The following USP19 variants were observed in gnomAD, a reference collection of about 807,000 sequenced individuals.
USP19 encodes ubiquitin carboxyl-terminal hydrolase 19.
A neutral mutation model predicts 144.8 loss-of-function variants in USP19; 40 were observed. That is an observed-to-expected ratio of 0.28 (90% confidence interval 0.21 to 0.36). USP19 has a LOEUF of 0.36. Ranked by LOEUF, USP19 falls within the 10% of genes least tolerant of loss-of-function variation. USP19 has a pLI of 1.00. For missense variants in USP19, 1,518 were observed against 1,822.5 expected, an observed-to-expected ratio of 0.83 and a Z score of 3.04; for synonymous variants, 701 against 709.3, an observed-to-expected ratio of 0.99 and a Z score of 0.19.
chr3:49,109,111 C>A, intron 26 of USP19: 1 of 1,564,950 alleles, frequency 6.4e-7, no homozygotes, highest in Non-Finnish European at 8.6e-7. Flanking sequence ...CTTGGGGCCC[C>A]CAGGGACCCA....
rs368784894 is a variant in USP19 at position 49,117,862 on chromosome 3, G to A, written c.299-32C>T. ...GTGATAAGCAGGTAACAGAGACCCAGCCTAATGAAACTGCTTCAGATGGGA... is the reference window on the plus strand; with the variant it reads ...GTGATAAGCAGGTAACAGAGACCCAACCTAATGAAACTGCTTCAGATGGGA... On this transcript the variant is annotated intron_variant, in intron 3 of 26. Coordinates refer to ENST00000417901, the MANE Select transcript of USP19 (RefSeq NM_001199161.2). This position sits in a 1 kb window ranked among gnomAD's most constrained non-coding sequence, Gnocchi z 4.4. The A allele has an allele frequency of 3.1e-6, 5 of 1,613,638 alleles. No homozygotes were observed. In the South Asian group the frequency reaches 4.4e-5, roughly 14 times the overall value.
At position 49,116,668 on chromosome 3, in the gene USP19, A is replaced by G; in HGVS notation, c.1126+59T>C. The G allele has an allele frequency of 6.2e-7, 1 of 1,609,970 alleles. No homozygotes were observed. The highest frequency in any genetic ancestry group is 8.5e-7 in the Non-Finnish European group (1 of 1,177,452). The stretch of plus-strand genomic sequence containing the variant: ...AGGTTCCAGCCTATTGCTACTCTCT[A>G]TCCACCTACAAACTTTGCAACCCAA... On this transcript the variant is annotated intron_variant, in intron 7 of 26. Coordinates refer to ENST00000417901, the MANE Select transcript of USP19 (RefSeq NM_001199161.2). The surrounding 1 kb of genome is among the most constrained non-coding windows in gnomAD (Gnocchi z 5.0).
At chr3:49,118,955 C>A in intron 2 of USP19, 67 bp downstream of exon 2, 2 of 1,606,450 alleles carry the variant, frequency 1.2e-6, no homozygotes, top group Non-Finnish European at 1.7e-6. Context: ...CTCCCAAACC[C>A]CAATCTGTAT....
rs1575484428 is a variant in USP19 at position 49,116,880 on chromosome 3, C to T, written c.973G>A (p.Glu325Lys). Residue 325 changes from glutamate to lysine, a missense_variant, in exon 7 of 27, where the codon GAG (glutamate) becomes AAG (lysine). Glu to Lys is a moderately conservative substitution (Grantham distance 56). Coordinates refer to ENST00000417901, the MANE Select transcript of USP19 (RefSeq NM_001199161.2). The surrounding 1 kb of genome is among the most constrained non-coding windows in gnomAD (Gnocchi z 5.0). Reference sequence around the variant, plus strand: ...CCTGCCAAAGGGGCTAAATTCTCCTCTGAGCCCAGGAGGCAGGTTTGGGAG... The same window carrying T: ...CCTGCCAAAGGGGCTAAATTCTCCTTTGAGCCCAGGAGGCAGGTTTGGGAG... ...LNSQTCLLGS[E>K]ENLAPLAGEK... 3 of 1,614,176 alleles carry T rather than the reference C, an allele frequency of 1.9e-6. No homozygotes were observed. The highest frequency in any genetic ancestry group is 1.7e-5 in the Admixed American group (1 of 60,022).
Position 49,114,132 on chromosome 3 carries a change from C to A in USP19, c.2404-39G>T. 1 of 1,614,076 alleles carries A rather than the reference C, an allele frequency of 6.2e-7. No individual in the cohort carries two copies. The highest frequency in any genetic ancestry group is 1.1e-5 in the South Asian group (1 of 91,084). On this transcript the variant is annotated intron_variant, in intron 16 of 26. Transcript: ENST00000417901. This position sits in a 1 kb window ranked among gnomAD's most constrained non-coding sequence, Gnocchi z 4.5. ...GGCAGTCAGTGAGGGAGGTGGGCCA[C>A]GTTCTCTAGAACAGCCCAGAGGGTA...
Position 49,114,058 on chromosome 3 carries a change from C to T in USP19, c.2439G>A (p.Ala813=), listed in dbSNP as rs746365688. Reference sequence around the variant, plus strand: ...GAGAGAGGGAGTCCAATACTTCGCTCGCAGTGGAGTTCTCCTTGCTGACGC... The same window carrying T: ...GAGAGAGGGAGTCCAATACTTCGCTTGCAGTGGAGTTCTCCTTGCTGACGC... The part of the protein sequence containing the change: ...LVSVSKENST[A]SEVLDSLSQS... Residue 813 remains alanine, a synonymous_variant, in exon 17 of 27, where the codon GCG becomes GCA. Transcript: ENST00000417901. This position sits in a 1 kb window ranked among gnomAD's most constrained non-coding sequence, Gnocchi z 4.5. The T allele has an allele frequency of 4.6e-5, 74 of 1,614,082 alleles. No individual in the cohort carries two copies. Among genetic ancestry groups the T allele is most frequent in the Non-Finnish European group, 5.7e-5 (67 of 1,180,054 alleles).
chr3:49,114,371 G>T lies in USP19; in HGVS notation c.2293-87C>A. The stretch of plus-strand genomic sequence containing the variant: ...TCAGAGAGCCCATTCCGGGGCTTCT[G>T]ATGGCTCTCAGGGCCCCCACAGCCA... On this transcript the variant is annotated intron_variant, in intron 15 of 26. Coordinates refer to ENST00000417901, the MANE Select transcript of USP19 (RefSeq NM_001199161.2). This position sits in a 1 kb window ranked among gnomAD's most constrained non-coding sequence, Gnocchi z 4.5. The T allele has an allele frequency of 2.2e-6, 3 of 1,349,342 alleles. No homozygotes were observed. Among genetic ancestry groups the T allele is most frequent in the South Asian group, 1.3e-5 (1 of 77,480 alleles). The allele number at this position is 1,349,342 out of a possible 1,614,324, so 83.6% of individuals were successfully genotyped here. A position where few individuals can be genotyped will look rare whatever the true frequency, so the allele number is the denominator to read the frequency against.
chr3:49,108,328 T>C lies in USP19; in HGVS notation c.*84A>G. ...TCCCATTGACAGAGCCAGTGTCCTCTGGGTTAGAGAAGGAGAAGCGGCAAG... is the reference window on the plus strand; with the variant it reads ...TCCCATTGACAGAGCCAGTGTCCTCCGGGTTAGAGAAGGAGAAGCGGCAAG... On this transcript the variant is annotated 3_prime_UTR_variant, in exon 27 of 27. Transcript: ENST00000417901. This position sits in a 1 kb window ranked among gnomAD's most constrained non-coding sequence, Gnocchi z 4.8. The C allele has an allele frequency of 2.5e-6, 1 of 405,652 alleles. No individual in the cohort carries two copies. Among genetic ancestry groups the C allele is most frequent in the Admixed American group, 4.8e-5 (1 of 20,684 alleles). 25.1% of individuals were successfully genotyped at this position (405,652 alleles called of 1,614,324 possible).
Position 49,117,305 on chromosome 3 carries a change from C to G in USP19, c.663G>C (p.Gly221=). ...CCAGGGCAATGGGAGACAGTTCCTG[C>G]CCATTCTCCTGGCACCGCAGCCCCG... The part of the protein sequence containing the change: ...LVPGLRCQEN[G]QELSPIALEP... The change falls in exon 6 of 27, where the codon GGG becomes GGC. Residue 221 remains glycine (G), a synonymous_variant. Coordinates refer to ENST00000417901, the MANE Select transcript of USP19 (RefSeq NM_001199161.2). This position sits in a 1 kb window ranked among gnomAD's most constrained non-coding sequence, Gnocchi z 4.4. 6.3e-7 allele frequency: 1 copy of G among 1,583,614 alleles called. No homozygotes were observed. The highest frequency in any genetic ancestry group is 8.6e-7 in the Non-Finnish European group (1 of 1,162,632).
At position 49,117,540 on chromosome 3, in the gene USP19, G is replaced by C. The variant is rs1285616542; in HGVS notation, c.503C>G (p.Ala168Gly). 2 of 1,614,100 alleles carry C rather than the reference G, an allele frequency of 1.2e-6. No homozygotes were observed. The highest frequency in any genetic ancestry group is 2.2e-5 in the South Asian group (2 of 91,084). ...TTTAGCACAAGAGCTTTTTATCTCA[G>C]CATAGAAGACACCACCCCACTGCTG... is the stretch of plus-strand genomic sequence containing the variant. Reference protein sequence around the residue: ...GGQQWGGVFYAEIKSSCAKVQ... With the variant: ...GGQQWGGVFYGEIKSSCAKVQ... The change falls in exon 5 of 27, where the codon GCT (alanine) becomes GGT (glycine). Residue 168 changes from alanine (A) to glycine (G), a missense_variant. Around this residue, in one of 5 missense-constraint regions of USP19, gnomAD observed 707 missense variants for 728.9 expected, o/e 0.97. Coordinates refer to ENST00000417901, the MANE Select transcript of USP19 (RefSeq NM_001199161.2). This position sits in a 1 kb window ranked among gnomAD's most constrained non-coding sequence, Gnocchi z 4.4.
Position 49,111,800 on chromosome 3 carries a change from C to G in USP19, c.2917G>C (p.Val973Leu). Residue 973 changes from valine to leucine, a missense_variant, in exon 21 of 27, where the codon GTA (valine) becomes CTA (leucine). By Grantham distance (32) the Val-to-Leu change is conservative. Coordinates refer to ENST00000417901, the MANE Select transcript of USP19 (RefSeq NM_001199161.2). The surrounding 1 kb of genome is among the most constrained non-coding windows in gnomAD (Gnocchi z 5.9). ...LEGYARYSVS[V>L]FQPPFQPGRM... ...CCTGGCTGAAAGGGTGGCTGGAATA[C>G]ACTCACAGAGTACCTGGCAACAGAG... is the stretch of plus-strand genomic sequence containing the variant. 1 of 1,564,002 alleles carries G rather than the reference C, an allele frequency of 6.4e-7. No homozygotes were observed. The highest frequency in any genetic ancestry group is 8.7e-7 in the Non-Finnish European group (1 of 1,153,468).
At position 49,115,168 on chromosome 3, in the gene USP19, A is replaced by C. The variant is rs566932002; in HGVS notation, c.2023-51T>G. On this transcript the variant is annotated intron_variant, in intron 13 of 26. Coordinates refer to ENST00000417901, the MANE Select transcript of USP19 (RefSeq NM_001199161.2). This position sits in a 1 kb window ranked among gnomAD's most constrained non-coding sequence, Gnocchi z 6.6. ...CATGAAGCCCTAGCACCCACTGCACACCCAGCTGGCTGGCCCTCCCCGCCC... is the reference window on the plus strand; with the variant it reads ...CATGAAGCCCTAGCACCCACTGCACCCCCAGCTGGCTGGCCCTCCCCGCCC... The C allele has an allele frequency of 4.2e-5, 68 of 1,612,832 alleles. No individual in the cohort carries two copies. Among genetic ancestry groups the C allele is most frequent in the Middle Eastern group, 1.7e-4 (1 of 6,060 alleles).
In USP19 at chr3:49,115,642, G is replaced by A. The variant is rs1345253206; in HGVS notation, c.1693-3C>T. On this transcript the variant is annotated splice_region_variant and splice_polypyrimidine_tract_variant and intron_variant, in intron 11 of 26. Coordinates refer to ENST00000417901, the MANE Select transcript of USP19 (RefSeq NM_001199161.2). This position sits in a 1 kb window ranked among gnomAD's most constrained non-coding sequence, Gnocchi z 6.6. ...GGCACCATGCATGTAGGCTTGGGCTGCAGGAGCAAAGACGACATGAGAGAA... is the reference window on the plus strand; with the variant it reads ...GGCACCATGCATGTAGGCTTGGGCTACAGGAGCAAAGACGACATGAGAGAA... 3.1e-6 allele frequency: 5 copies of A among 1,607,574 alleles called. No individual in the cohort carries two copies. Among genetic ancestry groups the A allele is most frequent in the Non-Finnish European group, 4.2e-6 (5 of 1,176,490 alleles).
At position 49,110,496 on chromosome 3, in the gene USP19, G is replaced by A; in HGVS notation, c.3807C>T (p.Tyr1269=). 1 of 1,614,180 alleles carries A rather than the reference G, an allele frequency of 6.2e-7. No homozygotes were observed. The highest frequency in any genetic ancestry group is 1.1e-5 in the South Asian group (1 of 91,082). Reference sequence around the variant, plus strand: ...CATTGGGCAGGCGTGCACAGGCAGTGTAGTGGCCACCAATCATGCCTCCAT... The same window carrying A: ...CATTGGGCAGGCGTGCACAGGCAGTATAGTGGCCACCAATCATGCCTCCAT... ...NHYGGMIGGH[Y]TACARLPNDR... Residue 1269 remains tyrosine, a synonymous_variant, in exon 25 of 27, where the codon TAC becomes TAT. Coordinates refer to ENST00000417901, the MANE Select transcript of USP19 (RefSeq NM_001199161.2). The surrounding 1 kb of genome is among the most constrained non-coding windows in gnomAD (Gnocchi z 6.1).
In USP19 at chr3:49,112,626, T is replaced by C; in HGVS notation, c.2509A>G (p.Ile837Val). Residue 837 changes from isoleucine (I) to valine (V), a missense_variant, in exon 18 of 27, where the codon ATT becomes GTT. Ile to Val is a conservative substitution (Grantham distance 29). Around this residue, in one of 5 missense-constraint regions of USP19, gnomAD observed 413 missense variants for 515.8 expected, o/e 0.80. Transcript: ENST00000417901. This position sits in a 1 kb window ranked among gnomAD's most constrained non-coding sequence, Gnocchi z 4.9. ...AACACACGATGAAAACGATTCTTAATTACCTGGGGACAGAGAACACACAGA... is the reference window on the plus strand; with the variant it reads ...AACACACGATGAAAACGATTCTTAACTACCTGGGGACAGAGAACACACAGA... ...KPENLRLAEVIKNRFHRVFLP... is the reference protein window; with the variant it reads ...KPENLRLAEVVKNRFHRVFLP... 2 of 1,612,588 alleles carry C rather than the reference T, an allele frequency of 1.2e-6. No homozygotes were observed. The highest frequency in any genetic ancestry group is 8.5e-7 in the Non-Finnish European group (1 of 1,179,068).
rs2043903799 is a variant in USP19 at position 49,115,350 on chromosome 3, C to T, written c.1900G>A (p.Glu634Lys). Residue 634 changes from glutamate to lysine, a missense_variant, in exon 13 of 27, where the codon GAG becomes AAG. Physicochemically the swap from Glu to Lys is moderately conservative, Grantham distance 56. Around this residue, in one of 5 missense-constraint regions of USP19, gnomAD observed 158 missense variants for 277.3 expected, o/e 0.57. Coordinates refer to ENST00000417901, the MANE Select transcript of USP19 (RefSeq NM_001199161.2). The surrounding 1 kb of genome is among the most constrained non-coding windows in gnomAD (Gnocchi z 6.6). ...GGGTTGTTGTAGTTGATCTCAGCCT[C>T]AAAGGAGCGGTCTAGGAATAGTAGC... The part of the protein sequence containing the change: ...LRDFFHDRSF[E>K]AEINYNNPLG... The T allele has an allele frequency of 1.9e-6, 3 of 1,614,166 alleles. No individual in the cohort carries two copies. The highest frequency in any genetic ancestry group is 4.5e-5 in the East Asian group (2 of 44,876).
In USP19 at chr3:49,117,109, G is replaced by A. The variant is rs749984949; in HGVS notation, c.859C>T (p.Pro287Ser). Residue 287 changes from proline (P) to serine (S), a missense_variant, in exon 6 of 27, where the codon CCT becomes TCT. Physicochemically the swap from Pro to Ser is moderately conservative, Grantham distance 74. Transcript: ENST00000417901. This position sits in a 1 kb window ranked among gnomAD's most constrained non-coding sequence, Gnocchi z 4.4. The stretch of plus-strand genomic sequence containing the variant: ...GGTGGGGCATCACCCCGGGGTCCAG[G>A]GTCATCCCTGGACCCGTCCCCCTCT... ...GPEGDGSRDD[P>S]GPRGDAPPFV... The A allele has an allele frequency of 4.6e-6, 7 of 1,534,092 alleles. No individual in the cohort carries two copies. Among genetic ancestry groups the A allele is most frequent in the Non-Finnish European group, 6.2e-6 (7 of 1,138,034 alleles).
intron 1 of USP19, 138 bp downstream of exon 1, chr3:49,120,618 G>A (rs561962441): frequency 9.0e-5 from 14 of 155,658 alleles, no homozygotes; most frequent in Non-Finnish European, 1.3e-4. Flanking sequence ...GGCCCTGCCG[G>A]CATCAGTGGG....
rs755436888 is a variant in USP19 at position 49,111,623 on chromosome 3, C to T, written c.3094G>A (p.Val1032Met). ...GGACCCCGGTCAGGGGCTGCCCACA[C>T]CCGGGGAAGCCCTGTGTCCCCCTCA... Reference protein sequence around the residue: ...MAEGDTGLPRVWAAPDRGPVP... With the variant: ...MAEGDTGLPRMWAAPDRGPVP... Residue 1032 changes from valine to methionine, a missense_variant, in exon 21 of 27, where the codon GTG (valine) becomes ATG (methionine). By Grantham distance (21) the Val-to-Met change is conservative (BLOSUM62 1). Around this residue, in one of 5 missense-constraint regions of USP19, gnomAD observed 413 missense variants for 515.8 expected, o/e 0.80. Transcript: ENST00000417901. This position sits in a 1 kb window ranked among gnomAD's most constrained non-coding sequence, Gnocchi z 5.9. 6.2e-7 allele frequency: 1 copy of T among 1,608,714 alleles called. No individual in the cohort carries two copies. The highest frequency in any genetic ancestry group is 8.5e-7 in the Non-Finnish European group (1 of 1,177,670).
Sources: gnomAD v4.1 joint callset for allele counts on GRCh38, gnomAD v4.1.1 for gene constraint, gnomAD v4.1.1 regional missense constraint, Gnocchi (gnomAD v3.1) non-coding constraint, MANE v1.5 for transcripts, NCBI Gene and HGNC (gene_info 2026-07-23, HGNC 2026-07-21) for gene names.